The following NFIL3 variants were observed in gnomAD, a reference collection of about 807,000 sequenced individuals.
NFIL3 encodes nuclear factor, interleukin 3 regulated, also known as nuclear factor interleukin-3-regulated protein.
A neutral mutation model predicts 10.0 loss-of-function variants in NFIL3; 5 were observed. The ratio of observed to expected loss-of-function variants is 0.50; its 90% confidence interval spans 0.26 to 1.06. NFIL3 has a LOEUF of 1.06. Ranked by LOEUF, NFIL3 falls within the 50% of genes least tolerant of loss-of-function variation. The pLI, the probability that NFIL3 is intolerant of heterozygous loss-of-function variation, is 0.13. For synonymous variants in NFIL3, 202 were observed against 206.5 expected (o/e 0.98, Z 0.19); for missense variants, 436 against 547.6 (o/e 0.80, Z 2.03).
chr9:91,425,376 ATCACCTATC>A (rs1833860006), upstream of NFIL3, among the ~76,000 whole-genome samples: 1 of 152,188 alleles, frequency 6.6e-6, no homozygotes, highest in Non-Finnish European at 1.5e-5. Flanking sequence ...AAAAATTTTT[ATCACCTATC>A]AGTTGAGTTT....
the NFIL3 span, among the ~76,000 whole-genome samples, chr9:91,466,513 C>T: frequency 6.6e-6 from 1 of 152,096 alleles, no homozygotes; most frequent in Non-Finnish European, 1.5e-5. Context: ...TGTTTTCTTC[C>T]CTCTCTTATC....
chr9:91,425,912 A>G (rs972817231), upstream of NFIL3, among the ~76,000 whole-genome samples: 2 of 152,200 alleles, frequency 1.3e-5, no homozygotes, highest in African/African-American at 2.4e-5. Flanking sequence ...AAATGCAGCT[A>G]TTGTCTAGAA....
the NFIL3 span, among the ~76,000 whole-genome samples, chr9:91,471,517 T>G: frequency 3.3e-5 from 5 of 151,430 alleles, no homozygotes; most frequent in East Asian, 1.9e-4. Flanking sequence ...TTTTTAAAAT[T>G]TTATTATTAT....
chr9:91,447,245 G>A, the NFIL3 span, among the ~76,000 whole-genome samples: 1 of 152,150 alleles, frequency 6.6e-6, no homozygotes, highest in Non-Finnish European at 1.5e-5. Context: ...GGATACATGG[G>A]TAGTCTCTGA....
At position 91,409,376 on chromosome 9, in the gene NFIL3, T is replaced by A. The variant is rs761736124; in HGVS notation, c.1359A>T (p.Thr453=). The A allele has an allele frequency of 6.3e-7, 1 of 1,589,482 alleles. No homozygotes were observed. Among genetic ancestry groups the A allele is most frequent in the Non-Finnish European group, 8.6e-7 (1 of 1,169,214 alleles). The change falls in exon 2 of 2, where the codon ACA becomes ACT. Residue 453 remains threonine (T), a synonymous_variant. Coordinates refer to ENST00000297689, the MANE Select transcript of NFIL3 (RefSeq NM_005384.3). ...EVVSLKRLIA[T]QPISASDSG ...CAGAGTCTGAAGCAGAGATTGGTTGTGTGGCTATAAGTCTCTTGAGTGAGA... is the reference window on the plus strand; with the variant it reads ...CAGAGTCTGAAGCAGAGATTGGTTGAGTGGCTATAAGTCTCTTGAGTGAGA...
chr9:91,455,034 T>A, the NFIL3 span, among the ~76,000 whole-genome samples: 1 of 152,208 alleles, frequency 6.6e-6, no homozygotes, highest in Non-Finnish European at 1.5e-5. Context: ...TTGTACAGTA[T>A]TTTGGCTTTA....
At chr9:91,411,841 A>G (rs9409419) in intron 1 of NFIL3, among the ~76,000 whole-genome samples, 78,473 of 151,832 alleles carry the variant, frequency 0.52, 22,027 homozygotes, top group African/African-American at 0.75. Flanking sequence ...GGTGGCTCAC[A>G]CTTGTAATCC....
intron 1 of NFIL3, among the ~76,000 whole-genome samples, chr9:91,414,701 T>C (rs190401871): frequency 6.6e-6 from 1 of 152,376 alleles, no homozygotes; most frequent in Non-Finnish European, 1.5e-5. Context: ...CTTAGGATAT[T>C]TTCTGTAATA....
chr9:91,442,123 A>C, the NFIL3 span, among the ~76,000 whole-genome samples: 1 of 151,930 alleles, frequency 6.6e-6, no homozygotes, highest in Non-Finnish European at 1.5e-5. Flanking sequence ...GTCATAAGGC[A>C]GGGATAGTGG....
chr9:91,464,769 T>C, the NFIL3 span, among the ~76,000 whole-genome samples: 31 of 152,206 alleles, frequency 2.0e-4, no homozygotes, highest in Admixed American at 3.3e-4. Flanking sequence ...TGAAGGGTAA[T>C]TTTTCTGCAT....
the NFIL3 span, among the ~76,000 whole-genome samples, chr9:91,475,592 T>TA: frequency 3.3e-5 from 5 of 152,084 alleles, no homozygotes; most frequent in Non-Finnish European, 5.9e-5. Context: ...AAGAAGATGC[T>TA]AAAAAAAGAT....
chr9:91,421,592 C>T (rs959768587), intron 1 of NFIL3, among the ~76,000 whole-genome samples: 2 of 152,160 alleles, frequency 1.3e-5, no homozygotes, highest in Admixed American at 6.5e-5. Flanking sequence ...CCCACCGGCC[C>T]GCAGGAGGGA....
chr9:91,433,348 C>A, the NFIL3 span, among the ~76,000 whole-genome samples: 1 of 152,336 alleles, frequency 6.6e-6, no homozygotes, highest in East Asian at 1.9e-4. Context: ...TGTAGTCATG[C>A]TGCCCTCTGA....
At chr9:91,444,108 T>C in the NFIL3 span, among the ~76,000 whole-genome samples, 1 of 152,212 alleles carries the variant, frequency 6.6e-6, no homozygotes, top group Admixed American at 6.5e-5. Flanking sequence ...CAGGCTTTCT[T>C]CATTCTTTTT....
chr9:91,420,235 A>AT (rs1195099289), intron 1 of NFIL3, among the ~76,000 whole-genome samples: 1 of 152,044 alleles, frequency 6.6e-6, no homozygotes, highest in African/African-American at 2.4e-5. Flanking sequence ...CAAATTAAAA[A>AT]ATATATATAT....
At chr9:91,427,665 G>T (rs1454957981), upstream of NFIL3, among the ~76,000 whole-genome samples, 1 of 151,772 alleles carries the variant, frequency 6.6e-6, no homozygotes, top group Non-Finnish European at 1.5e-5. Context: ...TTTGAGACAG[G>T]GTCTTGCTCT....
chr9:91,442,668 A>C, the NFIL3 span, among the ~76,000 whole-genome samples: 19 of 152,222 alleles, frequency 1.2e-4, no homozygotes, highest in Admixed American at 6.5e-4. Context: ...GCTCCCTGCA[A>C]GGCTGCAGCT....
the NFIL3 span, among the ~76,000 whole-genome samples, chr9:91,454,917 C>T: frequency 3.3e-5 from 5 of 152,168 alleles, no homozygotes; most frequent in East Asian, 3.8e-4. Flanking sequence ...TAATGAATTC[C>T]ATCATTTAAA....
At chr9:91,427,992 G>A (rs1833888406), upstream of NFIL3, among the ~76,000 whole-genome samples, 1 of 152,052 alleles carries the variant, frequency 6.6e-6, no homozygotes, top group Admixed American at 6.5e-5. Flanking sequence ...TAGCATGGTA[G>A]CCTTAGTGAG....
Sources: allele counts gnomAD v4.1 joint callset (sites outside exome capture counted in the v4.1 genomes callset), GRCh38; gene constraint gnomAD v4.1.1; transcripts MANE v1.5; gene names NCBI Gene and HGNC (gene_info 2026-07-23, HGNC 2026-07-21).